NAP1L1: variants seen among roughly 807,000 people sequenced by gnomAD.
NAP1L1 encodes the protein nucleosome assembly protein 1-like 1.
A neutral mutation model predicts 58.9 loss-of-function variants in NAP1L1; 9 were observed. The ratio of observed to expected loss-of-function variants is 0.15; its 90% CI spans 0.09 to 0.27. The LOEUF (loss-of-function observed/expected upper bound fraction) is 0.27, where lower values mean the gene tolerates loss of function less well. NAP1L1 is among the 10% of genes least tolerant of loss of function. The pLI is 1.00. For missense variants in NAP1L1, 302 were observed against 458.8 expected, an observed-to-expected ratio of 0.66 and a Z score of 3.12; for synonymous variants, 130 against 138.3, an observed-to-expected ratio of 0.94 and a Z score of 0.42.
At position 76,046,952 on chromosome 12, in the gene NAP1L1, C is replaced by G. The variant is rs551344807; in HGVS notation, c.*1477G>C. The G allele has an allele frequency of 6.6e-6, 1 of 152,390 alleles. No homozygotes were observed. Among genetic ancestry groups the G allele is most frequent in the Non-Finnish European group, 1.5e-5 (1 of 67,932 alleles). 9.4% of individuals were successfully genotyped at this position (152,390 alleles called of 1,614,324 possible). On this transcript the variant is annotated 3_prime_UTR_variant, in exon 15 of 15. Coordinates refer to ENST00000618691, the MANE Select transcript of NAP1L1 (RefSeq NM_004537.7). ...TTTACAATACAGTCATCAAAAATAT[C>G]TGAAAACAAATCTTGGACCTTGTGA...
chr12:76,058,013 G>A (rs1226094090), intron 6 of NAP1L1: 7 of 807,100 alleles, frequency 8.7e-6, no homozygotes, highest in African/African-American at 3.4e-5. Flanking sequence ...CAGTAACAGA[G>A]GAGGATGAAA....
Position 76,038,983 on chromosome 12 carries a change from C to T in NAP1L1, c.*9446G>A, listed in dbSNP as rs1948525948. On this transcript the variant is annotated 3_prime_UTR_variant, in exon 15 of 15. Coordinates refer to ENST00000618691, the MANE Select transcript of NAP1L1 (RefSeq NM_004537.7). ...GCAAAATGAAATAAAAAGCCTTGGG[C>T]AAAGCAGGACTCCAATCATAATTAA... 6.6e-6 allele frequency: 1 copy of T among 152,128 alleles called. No homozygotes were observed. Among genetic ancestry groups the T allele is most frequent in the Non-Finnish European group, 1.5e-5 (1 of 68,026 alleles). 9.4% of individuals were successfully genotyped at this position (152,128 alleles called of 1,614,324 possible).
chr12:76,060,947 G>T (rs1239763054), intron 4 of NAP1L1: 2 of 303,478 alleles, frequency 6.6e-6, no homozygotes, highest in Non-Finnish European at 1.3e-5. Context: ...ACAAAAATTA[G>T]CTGGGTGTGG....
intron 3 of NAP1L1, 36 bp from the exon 4 acceptor site, chr12:76,067,509 A>T: frequency 6.6e-7 from 1 of 1,508,598 alleles, no homozygotes; most frequent in East Asian, 2.3e-5. Context: ...GAAGGATTTT[A>T]TGAAAATGTA....
At position 76,039,309 on chromosome 12, in the gene NAP1L1, T is replaced by A. The variant is rs548754740; in HGVS notation, c.*9120A>T. 1 of 152,258 alleles carries A rather than the reference T, an allele frequency of 6.6e-6. No individual in the cohort carries two copies. The highest frequency in any genetic ancestry group is 1.9e-4 in the East Asian group (1 of 5,184). The allele number at this position is 152,258 out of a possible 1,614,324, so 9.4% of individuals were successfully genotyped here. A position where few individuals can be genotyped will look rare whatever the true frequency, so the allele number is the denominator to read the frequency against. On this transcript the variant is annotated 3_prime_UTR_variant, in exon 15 of 15. Coordinates refer to ENST00000618691, the MANE Select transcript of NAP1L1 (RefSeq NM_004537.7). ...AGCCTCCTTCAGCCCATCCTGTACCTTGAACCTGGACATGATGTATAGAGC... is the reference window on the plus strand; with the variant it reads ...AGCCTCCTTCAGCCCATCCTGTACCATGAACCTGGACATGATGTATAGAGC...
At position 76,041,699 on chromosome 12, in the gene NAP1L1, TAGTG is replaced by T. The variant is rs1197356615; in HGVS notation, c.*6726_*6729del. The T allele has an allele frequency of 6.6e-6, 1 of 152,142 alleles. No individual in the cohort carries two copies. Among genetic ancestry groups the T allele is most frequent in the African/African-American group, 2.4e-5 (1 of 41,412 alleles). 9.4% of individuals were successfully genotyped at this position (152,142 alleles called of 1,614,324 possible). On this transcript the variant is annotated 3_prime_UTR_variant, in exon 15 of 15. Coordinates refer to ENST00000618691, the MANE Select transcript of NAP1L1 (RefSeq NM_004537.7). ...GAGTTAGACACTAGTCCAGGCAACA[TAGTG>T]AGAATCATCTCAAAGATAATAAAAA... is the stretch of plus-strand genomic sequence containing the variant.
At chr12:76,080,452 G>A (rs893165600) in intron 1 of NAP1L1, among the ~76,000 whole-genome samples, 2 of 152,122 alleles carry the variant, frequency 1.3e-5, no homozygotes, top group African/African-American at 4.8e-5. Flanking sequence ...ATGCTATACA[G>A]GTTTGTAGCC....
At chr12:76,072,193 C>A in intron 2 of NAP1L1, among the ~76,000 whole-genome samples, 1 of 140,284 alleles carries the variant, frequency 7.1e-6, no homozygotes, top group Non-Finnish European at 1.5e-5. Context: ...AGATTGAGAC[C>A]AAAACAAATG....
Position 76,079,684 on chromosome 12 carries a change from A to ATTTTTT in NAP1L1, c.-21+4877_-21+4882dup, listed in dbSNP as rs202002589. On this transcript the variant is annotated intron_variant, in intron 1 of 14. Coordinates refer to ENST00000618691, the MANE Select transcript of NAP1L1 (RefSeq NM_004537.7). ...TGACCCTAAAAACATGCTTGAAGGC[A>ATTTTTT]TTTTTTTTTTTTTTTTGGAGACAAG... 8.2e-3 allele frequency among the ~76,000 whole-genome samples: 1,150 copies of ATTTTTT among 140,642 alleles called. 11 individuals carry two copies. The highest frequency in any genetic ancestry group is 0.028 in the African/African-American group (1,056 of 37,990). 92.3% of individuals were successfully genotyped at this position (140,642 alleles called of 152,430 possible).
intron 4 of NAP1L1, among the ~76,000 whole-genome samples, chr12:76,067,053 T>C (rs968339855): frequency 3.3e-5 from 5 of 152,138 alleles, no homozygotes; most frequent in Admixed American, 1.3e-4. Flanking sequence ...CTATTAATAA[T>C]GATTTATGTC....
intron 11 of NAP1L1, among the ~76,000 whole-genome samples, 177 bp downstream of exon 11, chr12:76,052,911 TCAG>T (rs1178536107): frequency 6.6e-6 from 1 of 152,212 alleles, no homozygotes; most frequent in Non-Finnish European, 1.5e-5. Context: ...TCAGTGTTTC[TCAG>T]CAGAAGCACT....
At chr12:76,049,357 T>C (rs1205379682) in intron 13 of NAP1L1, 107 bp from the exon 14 acceptor site, 6 of 1,587,562 alleles carry the variant, frequency 3.8e-6, no homozygotes, top group Non-Finnish European at 5.1e-6. Flanking sequence ...CAACAGATTT[T>C]CATGATTACA....
At chr12:76,049,346 T>G in intron 13 of NAP1L1, 96 bp from the exon 14 acceptor site, 1 of 1,595,644 alleles carries the variant, frequency 6.3e-7, no homozygotes, top group South Asian at 1.1e-5. Flanking sequence ...ACTCTACGGA[T>G]CAACAGATTT....
chr12:76,074,087 G>A (rs908457966), intron 2 of NAP1L1, 116 bp downstream of exon 2: 3 of 862,778 alleles, frequency 3.5e-6, no homozygotes, highest in Non-Finnish European at 5.7e-6. Flanking sequence ...GTAAAAGTAG[G>A]TACTAAGCAT....
Position 76,049,293 on chromosome 12 carries a change from T to C in NAP1L1, c.1090-43A>G, listed in dbSNP as rs771680885. 3 of 1,612,302 alleles carry C rather than the reference T, an allele frequency of 1.9e-6. No homozygotes were observed. In the South Asian group the frequency reaches 3.3e-5, roughly 18 times the overall value. On this transcript the variant is annotated intron_variant, in intron 13 of 14. Transcript: ENST00000618691. ...ATGCATCCATGAAGTATGTACATAGTAGGTAAACTGGCTCATAATGTAGGG... is the reference window on the plus strand; with the variant it reads ...ATGCATCCATGAAGTATGTACATAGCAGGTAAACTGGCTCATAATGTAGGG...
intron 1 of NAP1L1, among the ~76,000 whole-genome samples, chr12:76,080,145 C>T (rs1202507259): frequency 1.3e-5 from 2 of 152,342 alleles, no homozygotes; most frequent in East Asian, 3.9e-4. Flanking sequence ...CAACACAGGA[C>T]TGCATATACA....
At chr12:76,058,213 ATATATATATATG>A (rs1555182307) in intron 6 of NAP1L1, 5 of 248,450 alleles carry the variant, frequency 2.0e-5, no homozygotes, top group East Asian at 7.3e-5. Flanking sequence ...ATATATATAT[ATATATATATATG>A]TATTCTACAG....
At chr12:76,064,321 CAG>C (rs1312489343) in intron 4 of NAP1L1, among the ~76,000 whole-genome samples, 2 of 151,898 alleles carry the variant, frequency 1.3e-5, no homozygotes, top group African/African-American at 4.8e-5. Context: ...CTACAAATGA[CAG>C]AAAAAACTGT....
chr12:76,050,520 A>G lies in NAP1L1; in HGVS notation c.1059+11T>C, dbSNP rs977689020. The stretch of plus-strand genomic sequence containing the variant: ...ACCAATTATTTCTTTGCAGGATTCA[A>G]ATTCGCTTACATCATCATCATCATC... On this transcript the variant is annotated intron_variant, in intron 12 of 14. Coordinates refer to ENST00000618691, the MANE Select transcript of NAP1L1 (RefSeq NM_004537.7). The G allele has an allele frequency of 2.5e-6, 4 of 1,598,802 alleles. No homozygotes were observed. Among genetic ancestry groups the G allele is most frequent in the African/African-American group, 1.4e-5 (1 of 74,044 alleles).
Sources: gnomAD v4.1 joint callset for allele counts (sites outside exome capture counted in the v4.1 genomes callset) on GRCh38, gnomAD v4.1.1 for gene constraint, MANE v1.5 for transcripts, NCBI Gene and HGNC (gene_info 2026-07-23, HGNC 2026-07-21) for gene names.